Variants in INPP5D observed in about 807,000 individuals in gnomAD.
INPP5D encodes the protein inositol polyphosphate-5-phosphatase D.
Under a neutral mutation model 122.9 loss-of-function variants are expected in INPP5D, and 33 were observed. The ratio of observed to expected loss-of-function variants is 0.27; its 90% CI spans 0.20 to 0.36. The LOEUF (loss-of-function observed/expected upper bound fraction) is 0.36, where lower values mean the gene tolerates loss of function less well. Among genes scored for constraint, INPP5D ranks in the 10% least tolerant of loss-of-function variants. The pLI, the probability that INPP5D is intolerant of heterozygous loss-of-function variation, is 1.00. For synonymous variants in INPP5D, 584 were observed against 576.2 expected (o/e 1.01, Z -0.19); for missense variants, 1,053 against 1,412.7 (o/e 0.75, Z 4.08).
At chr2:233,076,660 A>T (rs562074807) in intron 1 of INPP5D, among the ~76,000 whole-genome samples, 1 of 152,376 alleles carries the variant, frequency 6.6e-6, no homozygotes, top group African/African-American at 2.4e-5. Flanking sequence ...TGTAGCATAT[A>T]TCAGAGTCTT....
chr2:233,060,445 C>G lies in INPP5D; in HGVS notation c.-34C>G, dbSNP rs775472704. On this transcript the variant is annotated 5_prime_UTR_variant, in exon 1 of 27. Coordinates refer to ENST00000445964, the MANE Select transcript of INPP5D (RefSeq NM_001017915.3). ...CGGTGGTGTGTGGGTCCTGGGGGTG[C>G]CTGCCGGCCCGGCCGAGGAGGCCCA... is the stretch of plus-strand genomic sequence containing the variant. 1.3e-5 allele frequency: 21 copies of G among 1,561,780 alleles called. No individual in the cohort carries two copies. Among genetic ancestry groups the G allele is most frequent in the Non-Finnish European group, 1.7e-5 (20 of 1,151,716 alleles).
At chr2:233,070,472 T>A (rs12620838) in intron 1 of INPP5D, among the ~76,000 whole-genome samples, 45,005 of 150,578 alleles carry the variant, frequency 0.3, 8,838 homozygotes, top group African/African-American at 0.53. Flanking sequence ...ATGGTGTCTC[T>A]GTCTGTCACC....
rs925712361 is a variant in INPP5D, at chr2:233,183,998, G to A, written c.2162-410G>A. Among the ~76,000 whole-genome samples the A allele has an allele frequency of 5.3e-5, 8 of 152,210 alleles. No homozygotes were observed. In the East Asian group the frequency reaches 1.5e-3, roughly 29 times the overall value. ...TGGGGATAACTGTGCCTAAGGGAGA[G>A]AGAGCTGCTAGCCCTCATTATCTGA... On this transcript the variant is annotated intron_variant, in intron 19 of 26. Coordinates refer to ENST00000445964, the MANE Select transcript of INPP5D (RefSeq NM_001017915.3). The surrounding 1 kb of genome is among the most constrained non-coding windows in gnomAD (Gnocchi z 4.6).
chr2:233,061,542 C>A (rs1691075469), intron 1 of INPP5D, among the ~76,000 whole-genome samples: 1 of 152,102 alleles, frequency 6.6e-6, no homozygotes, highest in Non-Finnish European at 1.5e-5. Context: ...CAGAAATGTT[C>A]CCCCGAGCAG....
chr2:233,117,660 T>C (rs1162165549), intron 2 of INPP5D, among the ~76,000 whole-genome samples: 1 of 152,248 alleles, frequency 6.6e-6, no homozygotes, highest in Non-Finnish European at 1.5e-5. Flanking sequence ...CCCTATGCCC[T>C]GTCCCTACAT....
At chr2:233,158,979 G>A (rs1042454620) in intron 10 of INPP5D, among the ~76,000 whole-genome samples, 6 of 152,032 alleles carry the variant, frequency 3.9e-5, no homozygotes, top group East Asian at 1.9e-4. Flanking sequence ...ACAGAGTCTC[G>A]CCGTGTTTCC....
chr2:233,164,231 G>C lies in INPP5D; in HGVS notation c.1438-76G>C, dbSNP rs1694267922. 6.7e-7 allele frequency: 1 copy of C among 1,482,176 alleles called. No homozygotes were observed. Among genetic ancestry groups the C allele is most frequent in the African/African-American group, 1.4e-5 (1 of 71,968 alleles). 91.8% of individuals were successfully genotyped at this position (1,482,176 alleles called of 1,614,324 possible). A position where few individuals can be genotyped will look rare whatever the true frequency, so the allele number is the denominator to read the frequency against. Reference sequence around the variant, plus strand: ...CCCCATACCCAGGGGCTGCGGCTGGGGCTGGGTGTGAATCACTGTGCCCTG... The same window carrying C: ...CCCCATACCCAGGGGCTGCGGCTGGCGCTGGGTGTGAATCACTGTGCCCTG... On this transcript the variant is annotated intron_variant, in intron 12 of 26. Coordinates refer to ENST00000445964, the MANE Select transcript of INPP5D (RefSeq NM_001017915.3). This position sits in a 1 kb window ranked among gnomAD's most constrained non-coding sequence, Gnocchi z 4.3.
At position 233,206,418 on chromosome 2, in the gene INPP5D, T is replaced by C. The variant is rs903639238; in HGVS notation, c.3568-288T>C. On this transcript the variant is annotated intron_variant, in intron 26 of 26. Transcript: ENST00000445964. The surrounding 1 kb of genome is among the most constrained non-coding windows in gnomAD (Gnocchi z 4.0). The stretch of plus-strand genomic sequence containing the variant: ...GCCATGCACCTGTAGTCCCAGCTAC[T>C]GGGGAGGCTGAGGCATGAGGCTAGC... Among the ~76,000 whole-genome samples, 3 of 152,098 alleles carry C rather than the reference T, an allele frequency of 2.0e-5. No homozygotes were observed. The highest frequency in any genetic ancestry group is 7.2e-5 in the African/African-American group (3 of 41,406).
At chr2:233,180,034 G>T (rs1260121226) in intron 18 of INPP5D, among the ~76,000 whole-genome samples, 2 of 152,194 alleles carry the variant, frequency 1.3e-5, no homozygotes, top group African/African-American at 4.8e-5. Context: ...CTGTCAGCAG[G>T]CATAGGGGTG....
intron 23 of INPP5D, among the ~76,000 whole-genome samples, chr2:233,194,467 G>C (rs1320791877): frequency 2.1e-5 from 3 of 141,596 alleles, no homozygotes; most frequent in Non-Finnish European, 4.6e-5. Flanking sequence ...GCCCACCCAG[G>C]TTTCTGTACC....
At position 233,079,403 on chromosome 2, in the gene INPP5D, G is replaced by A; in HGVS notation, c.198+5G>A. 6.4e-7 allele frequency: 1 copy of A among 1,569,102 alleles called. No homozygotes were observed. The highest frequency in any genetic ancestry group is 8.8e-7 in the Non-Finnish European group (1 of 1,139,036). On this transcript the variant is annotated splice_donor_5th_base_variant and intron_variant, in intron 2 of 26. Transcript: ENST00000445964. ...GATGATAAATTCACTGTTCAGGTGA[G>A]TCCTTTATAAACCTAGAAATCTGAA...
intron 2 of INPP5D, among the ~76,000 whole-genome samples, chr2:233,093,510 G>A (rs1202786423): frequency 6.7e-6 from 1 of 149,112 alleles, no homozygotes; most frequent in African/African-American, 2.5e-5. Flanking sequence ...GTGAAACTCT[G>A]TCTCTGTCTA....
At chr2:233,111,929 G>T (rs1692640832) in intron 2 of INPP5D, among the ~76,000 whole-genome samples, 1 of 145,152 alleles carries the variant, frequency 6.9e-6, no homozygotes, top group African/African-American at 2.8e-5. Flanking sequence ...CAAACGTGGT[G>T]ATGCATGCCT....
Position 233,078,635 on chromosome 2 carries a change from G to A in INPP5D, c.135-700G>A, listed in dbSNP as rs1691589559. Among the ~76,000 whole-genome samples the A allele has an allele frequency of 6.6e-6, 1 of 152,112 alleles. No individual in the cohort carries two copies. Among genetic ancestry groups the A allele is most frequent in the East Asian group, 1.9e-4 (1 of 5,188 alleles). On this transcript the variant is annotated intron_variant, in intron 1 of 26. Coordinates refer to ENST00000445964, the MANE Select transcript of INPP5D (RefSeq NM_001017915.3). This position sits in a 1 kb window ranked among gnomAD's most constrained non-coding sequence, Gnocchi z 4.6. ...TGGGCCGCTCTGCTTGGGCCCACTG[G>A]AGTCGTGTTTCTTCTTCAAACACCC... is the stretch of plus-strand genomic sequence containing the variant.
At position 233,137,617 on chromosome 2, in the gene INPP5D, G is replaced by A. The variant is rs186757982; in HGVS notation, c.666-2225G>A. On this transcript the variant is annotated intron_variant, in intron 5 of 26. Transcript: ENST00000445964. Reference sequence around the variant, plus strand: ...ATTACAGGTGCCCACCACTATGCCCGGCTAATTTTTGTATTTTTAGTAGAG... The same window carrying A: ...ATTACAGGTGCCCACCACTATGCCCAGCTAATTTTTGTATTTTTAGTAGAG... Among the ~76,000 whole-genome samples the A allele has an allele frequency of 1.7e-3, 252 of 150,134 alleles. 3 individuals are homozygous for A. Among genetic ancestry groups the A allele is most frequent in the African/African-American group, 5.9e-3 (243 of 40,928 alleles).
chr2:233,164,523 C>G lies in INPP5D; in HGVS notation c.1555+99C>G. On this transcript the variant is annotated intron_variant, in intron 13 of 26. Transcript: ENST00000445964. This position sits in a 1 kb window ranked among gnomAD's most constrained non-coding sequence, Gnocchi z 4.3. The stretch of plus-strand genomic sequence containing the variant: ...CACCAGTAGTTCCCCGGGTTAAAAA[C>G]AGAGAGCCTCACATCCTCAGATCCT... The G allele has an allele frequency of 7.2e-7, 1 of 1,397,612 alleles. No individual in the cohort carries two copies. 86.6% of individuals were successfully genotyped at this position (1,397,612 alleles called of 1,614,324 possible).
intron 8 of INPP5D, among the ~76,000 whole-genome samples, chr2:233,146,744 G>A (rs1274582081): frequency 1.3e-5 from 2 of 152,012 alleles, no homozygotes; most frequent in African/African-American, 4.8e-5. Context: ...CATCAGACGG[G>A]GCTGCAAAGT....
rs552545264 is a variant in INPP5D at position 233,205,890 on chromosome 2, C to A, written c.3568-816C>A. 7.9e-3 allele frequency among the ~76,000 whole-genome samples: 1,194 copies of A among 152,098 alleles called. 2 individuals carry two copies. Among genetic ancestry groups the A allele is most frequent in the Non-Finnish European group, 0.012 (816 of 68,004 alleles). ...GGTCAGGAGTTCAAGACCAGCCTAA[C>A]CAATATGGTGAAACCCTGTCTCTAT... is the stretch of plus-strand genomic sequence containing the variant. On this transcript the variant is annotated intron_variant, in intron 26 of 26. Transcript: ENST00000445964.
intron 6 of INPP5D, chr2:233,140,631 C>T (rs2106273802): frequency 6.6e-6 from 1 of 152,342 alleles, no homozygotes; most frequent in African/African-American, 2.4e-5. Flanking sequence ...ACCTGAGCCT[C>T]CCATGTATTA....
Sources: allele counts gnomAD v4.1 joint callset (sites outside exome capture counted in the v4.1 genomes callset), GRCh38; gene constraint gnomAD v4.1.1; non-coding constraint Gnocchi (gnomAD v3.1); transcripts MANE v1.5; gene names NCBI Gene and HGNC (gene_info 2026-07-23, HGNC 2026-07-21).